TEKT5: variants seen among roughly 807,000 people sequenced by gnomAD.
TEKT5 encodes tektin-5.
Under a neutral mutation model 48.7 loss-of-function variants are expected in TEKT5, and 52 were observed. The ratio of observed to expected loss-of-function variants is 1.07; its 90% CI spans 0.86 to 1.35. TEKT5 has a LOEUF of 1.35. Among genes scored for constraint, TEKT5 ranks in the 40% most tolerant of loss-of-function variants. TEKT5 has a pLI of 0.00. For missense variants in TEKT5, 831 were observed against 641.6 expected (o/e 1.30, Z -3.19); for synonymous variants, 318 against 267.6 (o/e 1.19, Z -1.84).
At chr16:10,670,445 G>T (rs1898530787) in intron 5 of TEKT5, among the ~76,000 whole-genome samples, 1 of 152,116 alleles carries the variant, frequency 6.6e-6, no homozygotes, top group African/African-American at 2.4e-5. Flanking sequence ...CTTGAACCTG[G>T]AAGGCAGAGG....
intron 5 of TEKT5, among the ~76,000 whole-genome samples, chr16:10,652,571 C>T (rs1294089177): frequency 7.3e-5 from 8 of 110,246 alleles, no homozygotes; most frequent in South Asian, 3.4e-4. Context: ...CCCCTCCAGG[C>T]CAGGTAGAAT....
chr16:10,690,818 AG>A (rs770869950), intron 1 of TEKT5: 1,285 of 978,918 alleles, frequency 1.3e-3, no homozygotes, highest in Non-Finnish European at 1.5e-3. Context: ...GATGTCACAA[AG>A]GGCCCAGGAG....
chr16:10,692,772 C>T (rs1320665305), intron 1 of TEKT5: 4 of 152,244 alleles, frequency 2.6e-5, no homozygotes, highest in Non-Finnish European at 4.4e-5. Context: ...TATCAAGAGG[C>T]CCCTGGCATG....
chr16:10,693,863 A>T (rs1269610894), intron 1 of TEKT5, among the ~76,000 whole-genome samples: 1 of 152,122 alleles, frequency 6.6e-6, no homozygotes, highest in African/African-American at 2.4e-5. Flanking sequence ...CCAGCTCCTC[A>T]GGAGGCTGAG....
intron 1 of TEKT5, chr16:10,690,880 G>C: frequency 1.3e-6 from 1 of 747,220 alleles, no homozygotes; most frequent in African/African-American, 1.9e-5. Context: ...AAATGTATGT[G>C]AGAACTCAGA....
chr16:10,671,445 T>TA (rs746797081), intron 5 of TEKT5, among the ~76,000 whole-genome samples: 2 of 152,348 alleles, frequency 1.3e-5, no homozygotes, highest in Non-Finnish European at 2.9e-5. Context: ...AATGGAATAT[T>TA]ACTCTGACTT....
At chr16:10,651,351 T>C (rs998310254) in intron 5 of TEKT5, among the ~76,000 whole-genome samples, 1 of 152,148 alleles carries the variant, frequency 6.6e-6, no homozygotes, top group African/African-American at 2.4e-5. Context: ...TCTCTAGCCC[T>C]TATCCCTGGC....
At chr16:10,649,858 T>C (rs1021964578) in intron 5 of TEKT5, among the ~76,000 whole-genome samples, 2 of 152,140 alleles carry the variant, frequency 1.3e-5, no homozygotes, top group African/African-American at 4.8e-5. Flanking sequence ...ACGTAGATAA[T>C]GCAGGTGAGA....
intron 6 of TEKT5, among the ~76,000 whole-genome samples, chr16:10,628,207 A>T (rs13331605): frequency 3.3e-4 from 51 of 152,278 alleles, no homozygotes; most frequent in Middle Eastern, 3.4e-3. Flanking sequence ...TGTGCCTGGC[A>T]CTGAGAGACA....
At chr16:10,689,521 CTTTTT>C (rs35713504) in intron 2 of TEKT5, among the ~76,000 whole-genome samples, 198 bp from the exon 3 acceptor site, 5 of 105,530 alleles carry the variant, frequency 4.7e-5, no homozygotes, top group Non-Finnish European at 7.5e-5. Context: ...GAGGCTCCAC[CTTTTT>C]TTTTTTTTTT....
chr16:10,675,816 A>G, intron 5 of TEKT5, 143 bp downstream of exon 5: 1 of 765,232 alleles, frequency 1.3e-6, no homozygotes, highest in Non-Finnish European at 2.1e-6. Flanking sequence ...CCTTTTAGGA[A>G]GAAAAAGACC....
chr16:10,682,871 C>T (rs142504462), intron 3 of TEKT5, among the ~76,000 whole-genome samples: 308 of 152,290 alleles, frequency 2.0e-3, no homozygotes, highest in Non-Finnish European at 3.2e-3. Flanking sequence ...GATATCAATC[C>T]ACACTTTGGA....
chr16:10,646,488 T>C (rs1041721159), intron 5 of TEKT5, among the ~76,000 whole-genome samples: 1 of 152,216 alleles, frequency 6.6e-6, no homozygotes, highest in African/African-American at 2.4e-5. Flanking sequence ...TTGCTTTTTT[T>C]CCTTTCTCAT....
intron 5 of TEKT5, among the ~76,000 whole-genome samples, chr16:10,637,877 C>T (rs1162132434): frequency 1.3e-5 from 2 of 152,322 alleles, no homozygotes; most frequent in Admixed American, 6.5e-5. Context: ...GTTGCGCAAT[C>T]GCAGCTTACC....
At chr16:10,663,673 T>C (rs1006168894) in intron 5 of TEKT5, among the ~76,000 whole-genome samples, 2 of 152,154 alleles carry the variant, frequency 1.3e-5, no homozygotes, top group African/African-American at 4.8e-5. Flanking sequence ...AGCCCAGATA[T>C]ATCTCAGCTG....
intron 5 of TEKT5, among the ~76,000 whole-genome samples, chr16:10,675,085 C>T (rs1049323143): frequency 1.2e-4 from 19 of 152,134 alleles, no homozygotes; most frequent in African/African-American, 4.6e-4. Context: ...CTCAGCCTCC[C>T]AAAGTGCTGG....
At chr16:10,633,288 G>A (rs1409206252) in intron 6 of TEKT5, among the ~76,000 whole-genome samples, 4 of 152,156 alleles carry the variant, frequency 2.6e-5, no homozygotes, top group Admixed American at 2.6e-4. Context: ...TTGAACCCGG[G>A]AGGTGGAGGT....
At chr16:10,639,035 T>C (rs1018435251) in intron 5 of TEKT5, among the ~76,000 whole-genome samples, 2 of 152,232 alleles carry the variant, frequency 1.3e-5, no homozygotes, top group Non-Finnish European at 2.9e-5. Flanking sequence ...TTGGGTGCAG[T>C]GGCTCACACC....
Position 10,646,810 on chromosome 16 carries a change from G to A in TEKT5, c.1087-10892C>T, listed in dbSNP as rs115204498. On this transcript the variant is annotated intron_variant, in intron 5 of 6. Coordinates refer to ENST00000283025, the MANE Select transcript of TEKT5 (RefSeq NM_144674.2). ...AGGCCAGCCCTTCACCTGGTCCTCT[G>A]TGAGCCACAGCAACTCAGCCCACAC... Among the ~76,000 whole-genome samples the A allele has an allele frequency of 1.7e-3, 264 of 152,304 alleles. 1 individual carries two copies. The highest frequency in any genetic ancestry group is 6.2e-3 in the African/African-American group (258 of 41,568).
Sources: gnomAD v4.1 joint callset for allele counts (sites outside exome capture counted in the v4.1 genomes callset) on GRCh38, gnomAD v4.1.1 for gene constraint, MANE v1.5 for transcripts, NCBI Gene and HGNC (gene_info 2026-07-23, HGNC 2026-07-21) for gene names.